Variants in ROBO2 observed in about 807,000 individuals in gnomAD.
ROBO2 encodes roundabout homolog 2.
In ROBO2, 53 loss-of-function variants were observed where a neutral mutation model predicts 160.8. That is an observed-to-expected ratio of 0.33 (90% CI 0.26 to 0.41). The LOEUF (loss-of-function observed/expected upper bound fraction) is 0.41. ROBO2 is among the 10% of genes least tolerant of loss of function. The probability of loss-of-function intolerance (pLI) is 1.00; values close to 1 mark genes in which losing one functional copy is unlikely to be tolerated. For synonymous variants in ROBO2, 664 were observed against 611.7 expected, an observed-to-expected ratio of 1.09 and a Z score of -1.26; for missense variants, 1,577 against 1,722.4, an observed-to-expected ratio of 0.92 and a Z score of 1.49.
chr3:77,285,238 G>A (rs781194545), intron 2 of ROBO2, among the ~76,000 whole-genome samples: 1 of 152,058 alleles, frequency 6.6e-6, no homozygotes, highest in Non-Finnish European at 1.5e-5. Flanking sequence ...CACTTTCTAC[G>A]ACTTCATTGG....
intron 2 of ROBO2, among the ~76,000 whole-genome samples, chr3:76,199,487 A>G (rs1053304314): frequency 1.3e-5 from 2 of 151,912 alleles, no homozygotes; most frequent in Non-Finnish European, 2.9e-5. Context: ...CCCATATAGA[A>G]CCTCTGACCT....
intron 2 of ROBO2, among the ~76,000 whole-genome samples, chr3:76,759,802 A>G (rs981926784): frequency 2.0e-5 from 3 of 151,868 alleles, no homozygotes; most frequent in Non-Finnish European, 2.9e-5. Flanking sequence ...TCATTGCTGT[A>G]ACTTCCTAAG....
intron 2 of ROBO2, among the ~76,000 whole-genome samples, chr3:77,364,484 G>A (rs1432361344): frequency 6.6e-6 from 1 of 151,980 alleles, no homozygotes; most frequent in Non-Finnish European, 1.5e-5. Context: ...GGAAAAATTT[G>A]GAAAACCCTG....
At chr3:77,313,775 G>A (rs182802720) in intron 2 of ROBO2, among the ~76,000 whole-genome samples, 1 of 152,004 alleles carries the variant, frequency 6.6e-6, no homozygotes, top group Non-Finnish European at 1.5e-5. Context: ...GTAGAGATGG[G>A]GTTTCTCCAC....
chr3:77,122,862 T>A (rs1365457633), intron 2 of ROBO2, among the ~76,000 whole-genome samples: 3 of 152,224 alleles, frequency 2.0e-5, no homozygotes, highest in Non-Finnish European at 2.9e-5. Flanking sequence ...TGCCTCTTTT[T>A]CCTAGTTCAC....
In ROBO2 at chr3:76,723,873, C is replaced by T. The variant is rs185204684; in HGVS notation, c.110-374141C>T. ...GTTAAGGGGGCAAATTCATGAATAC[C>T]ATACCAGACCTCTTAAATCAGAATC... On this transcript the variant is annotated intron_variant, in intron 2 of 26. Coordinates refer to the ROBO2 transcript ENST00000487694. 2.8e-3 allele frequency among the ~76,000 whole-genome samples: 424 copies of T among 152,230 alleles called. 4 individuals carry two copies. Among genetic ancestry groups the T allele is most frequent in the Admixed American group, 8.1e-3 (124 of 15,296 alleles).
intron 2 of ROBO2, among the ~76,000 whole-genome samples, chr3:76,619,245 CAGG>C (rs1162004449): frequency 1.3e-5 from 2 of 150,620 alleles, no homozygotes; most frequent in Admixed American, 6.6e-5. Context: ...GAGGCTGAGG[CAGG>C]AGAATGGCGT....
Position 76,356,075 on chromosome 3 carries a change from G to T in ROBO2, c.109+418473G>T, listed in dbSNP as rs1380772031. Among the ~76,000 whole-genome samples the T allele has an allele frequency of 1.3e-5, 2 of 148,246 alleles. 1 individual carries two copies. Among genetic ancestry groups the T allele is most frequent in the East Asian group, 3.9e-4 (2 of 5,172 alleles). On this transcript the variant is annotated intron_variant, in intron 2 of 26. Coordinates refer to the ROBO2 transcript ENST00000487694. ...ACTATTGTTTATAATGTATAATAATGATATTTAAAGAAATATTTACTTTTC... is the reference window on the plus strand; with the variant it reads ...ACTATTGTTTATAATGTATAATAATTATATTTAAAGAAATATTTACTTTTC...
At chr3:76,566,318 G>A (rs2084517886) in intron 2 of ROBO2, among the ~76,000 whole-genome samples, 2 of 152,180 alleles carry the variant, frequency 1.3e-5, no homozygotes. Context: ...TCTGGGCTGT[G>A]AAGAGAGCAC....
At chr3:77,185,256 T>C (rs1283452169) in intron 2 of ROBO2, among the ~76,000 whole-genome samples, 1 of 151,980 alleles carries the variant, frequency 6.6e-6, no homozygotes, top group Admixed American at 6.6e-5. Flanking sequence ...GATTCAGATA[T>C]AGATAAAGTG....
At chr3:76,545,081 C>T (rs2083023183) in intron 2 of ROBO2, among the ~76,000 whole-genome samples, 1 of 151,810 alleles carries the variant, frequency 6.6e-6, no homozygotes, top group South Asian at 2.1e-4. Flanking sequence ...TATGTCAAAT[C>T]ATAACATTGA....
chr3:77,602,176 A>G (rs758453775), intron 19 of ROBO2, 34 bp from the exon 21 acceptor site: 1 of 1,613,252 alleles, frequency 6.2e-7, no homozygotes, highest in South Asian at 1.1e-5. Context: ...CCGGTGCCTC[A>G]TTAAATTGTT....
chr3:77,362,968 A>G (rs1394953321), intron 2 of ROBO2, among the ~76,000 whole-genome samples: 1 of 152,160 alleles, frequency 6.6e-6, no homozygotes, highest in Middle Eastern at 3.2e-3. Flanking sequence ...CCCTCCCACA[A>G]CATGTGGGAA....
intron 2 of ROBO2, among the ~76,000 whole-genome samples, chr3:76,417,845 G>T (rs1412982908): frequency 6.6e-6 from 1 of 152,034 alleles, no homozygotes; most frequent in East Asian, 2.0e-4. Context: ...ATAATTTTCT[G>T]CAAGGATGTG....
intron 2 of ROBO2, among the ~76,000 whole-genome samples, chr3:76,334,165 T>C (rs1009298157): frequency 2.0e-5 from 3 of 152,040 alleles, no homozygotes; most frequent in African/African-American, 7.3e-5. Flanking sequence ...TATATACATA[T>C]AAAAGAAGCC....
At chr3:76,211,041 A>T (rs573176193) in intron 2 of ROBO2, among the ~76,000 whole-genome samples, 79 of 152,096 alleles carry the variant, frequency 5.2e-4, no homozygotes, top group African/African-American at 1.9e-3. Flanking sequence ...CGTAGAAAAA[A>T]ATTCATTTGT....
intron 2 of ROBO2, among the ~76,000 whole-genome samples, chr3:77,415,654 G>T (rs1320527946): frequency 6.6e-6 from 1 of 152,120 alleles, no homozygotes; most frequent in African/African-American, 2.4e-5. Context: ...TAGGGCACAG[G>T]TCTTTGCACT....
At chr3:77,204,964 C>G (rs2083275933) in intron 2 of ROBO2, among the ~76,000 whole-genome samples, 1 of 152,182 alleles carries the variant, frequency 6.6e-6, no homozygotes, top group South Asian at 2.1e-4. Flanking sequence ...TGCTCAGACC[C>G]CTGACGGGAG....
At chr3:77,054,759 G>T (rs2065554848) in intron 1 of ROBO2, among the ~76,000 whole-genome samples, 1 of 152,116 alleles carries the variant, frequency 6.6e-6, no homozygotes, top group Admixed American at 6.6e-5. Flanking sequence ...AGAGGTAATG[G>T]AGGCCAATTC....
Sources: allele counts gnomAD v4.1 joint callset (sites outside exome capture counted in the v4.1 genomes callset), GRCh38; gene constraint gnomAD v4.1.1; transcripts MANE v1.5; gene names NCBI Gene and HGNC (gene_info 2026-07-23, HGNC 2026-07-21).